GRAMD4: variants seen among roughly 807,000 people sequenced by gnomAD.
GRAMD4 encodes GRAM domain containing 4.
GRAMD4 carries 25 observed loss-of-function variants against 83.9 expected under a neutral mutation model. The ratio of observed to expected loss-of-function variants is 0.30; its 90% CI spans 0.22 to 0.42. The LOEUF (loss-of-function observed/expected upper bound fraction) is 0.42, where lower values mean the gene tolerates loss of function less well. Ranked by LOEUF, GRAMD4 falls within the 10% of genes least tolerant of loss-of-function variation. The pLI, the probability that GRAMD4 is intolerant of heterozygous loss-of-function variation, is 1.00. For synonymous variants in GRAMD4, 336 were observed against 320.9 expected, an observed-to-expected ratio of 1.05 and a Z score of -0.50; for missense variants, 593 against 788.7, an observed-to-expected ratio of 0.75 and a Z score of 2.97.
intron 1 of GRAMD4, among the ~76,000 whole-genome samples, chr22:46,614,718 C>T (rs144032967): frequency 2.1e-3 from 314 of 152,164 alleles, no homozygotes; most frequent in African/African-American, 7.3e-3. Context: ...TTTGCAGATA[C>T]GTGCCGCAGG....
Position 46,605,952 on chromosome 22 carries a change from A to C in GRAMD4, c.-49-20799A>C, listed in dbSNP as rs59360690. ...GTGCTGAGCATGTCTGCATGGGCTT[A>C]TGGCTGGTGCTGAGCATCTCTGCAT... On this transcript the variant is annotated intron_variant, in intron 1 of 1. Transcript: ENST00000431155. Among the ~76,000 whole-genome samples the C allele has an allele frequency of 7.2e-3, 585 of 81,040 alleles. 5 individuals carry two copies. Among genetic ancestry groups the C allele is most frequent in the African/African-American group, 0.022 (531 of 24,114 alleles). 53.2% of individuals were successfully genotyped at this position (81,040 alleles called of 152,430 possible).
intron 2 of GRAMD4, among the ~76,000 whole-genome samples, chr22:46,629,677 A>G (rs1414866503): frequency 1.3e-5 from 2 of 152,238 alleles, no homozygotes; most frequent in Non-Finnish European, 2.9e-5. Context: ...TACAGTATAC[A>G]GTTCACCCAC....
Position 46,637,892 on chromosome 22 carries a change from C to G in GRAMD4, c.215C>G (p.Thr72Arg), listed in dbSNP as rs2081914777. The G allele has an allele frequency of 6.2e-7, 1 of 1,613,928 alleles. No individual in the cohort carries two copies. Among genetic ancestry groups the G allele is most frequent in the Middle Eastern group, 1.6e-4 (1 of 6,062 alleles). ...MATGVQDFNRTEFDRLNEIKG... is the reference protein window; with the variant it reads ...MATGVQDFNRREFDRLNEIKG... ...ACAGGAGTCCAGGACTTTAACCGGA[C>G]AGAGTTTGATCGACTGAATGAGATC... Residue 72 changes from threonine to arginine, a missense_variant, in exon 3 of 19, where the codon ACA becomes AGA. Coordinates refer to ENST00000406902, the MANE Select transcript of GRAMD4 (RefSeq NM_015124.5).
Position 46,660,945 on chromosome 22 carries a change from C to T in GRAMD4, c.405-436C>T, listed in dbSNP as rs148537263. Among the ~76,000 whole-genome samples, 270 of 152,300 alleles carry T rather than the reference C, an allele frequency of 1.8e-3. 5 individuals are homozygous for T. In the East Asian group the frequency reaches 0.026, roughly 15 times the overall value. ...GTGCCCCTGCCCAGTCCAGGCAGGT[C>T]GCTGGAGTAGGCTGAGCTGGGAGCT... is the stretch of plus-strand genomic sequence containing the variant. On this transcript the variant is annotated intron_variant, in intron 4 of 18. Transcript: ENST00000406902.
At chr22:46,619,958 G>A (rs888854566), upstream of GRAMD4, among the ~76,000 whole-genome samples, 11 of 152,300 alleles carry the variant, frequency 7.2e-5, no homozygotes, top group Non-Finnish European at 1.6e-4. Context: ...CAGCAGGAGA[G>A]CCGCCAGATA....
chr22:46,661,315 G>T, intron 4 of GRAMD4, 66 bp from the exon 5 acceptor site: 3 of 1,286,080 alleles, frequency 2.3e-6, no homozygotes, highest in Non-Finnish European at 3.4e-6. Flanking sequence ...GCCCTCGGGG[G>T]TGCCTGACTG....
intron 11 of GRAMD4, among the ~76,000 whole-genome samples, chr22:46,668,449 C>T (rs1601674552): frequency 6.6e-6 from 1 of 152,130 alleles, no homozygotes; most frequent in African/African-American, 2.4e-5. Context: ...TCCCCACCGC[C>T]CCTGGCCAGG....
At chr22:46,654,268 G>C (rs537211350) in intron 3 of GRAMD4, among the ~76,000 whole-genome samples, 1 of 152,322 alleles carries the variant, frequency 6.6e-6, no homozygotes, top group South Asian at 2.1e-4. Context: ...GGGTCCCCAG[G>C]CTCCTCCTGC....
Position 46,603,800 on chromosome 22 carries a change from C to A in GRAMD4, c.-49-22951C>A, listed in dbSNP as rs373925554. Among the ~76,000 whole-genome samples the A allele has an allele frequency of 1.2e-3, 185 of 150,910 alleles. 5 individuals are homozygous for A. The South Asian group carries it at 0.038, about 31-fold the overall frequency. On this transcript the variant is annotated intron_variant, in intron 1 of 1. Coordinates refer to the GRAMD4 transcript ENST00000431155. ...CAAAGTGCTGGGATTACAGGCGTGACCACCGCGCCCAGCCTCGGCCTCTTC... is the reference window on the plus strand; with the variant it reads ...CAAAGTGCTGGGATTACAGGCGTGAACACCGCGCCCAGCCTCGGCCTCTTC...
At chr22:46,660,398 C>T (rs928556567) in intron 4 of GRAMD4, among the ~76,000 whole-genome samples, 3 of 152,008 alleles carry the variant, frequency 2.0e-5, no homozygotes, top group African/African-American at 2.4e-5. Flanking sequence ...CTTTCCTTGT[C>T]GTCCTGGTGC....
At chr22:46,581,314 T>G (rs1345651072) in intron 1 of GRAMD4, among the ~76,000 whole-genome samples, 1 of 152,260 alleles carries the variant, frequency 6.6e-6, no homozygotes, top group Non-Finnish European at 1.5e-5. Flanking sequence ...TTCACACGAA[T>G]TGTCTCAACC....
At position 46,658,915 on chromosome 22, in the gene GRAMD4, T is replaced by C. The variant is rs190304828; in HGVS notation, c.404+608T>C. 5.2e-3 allele frequency among the ~76,000 whole-genome samples: 788 copies of C among 151,544 alleles called. 4 individuals are homozygous for C. The highest frequency in any genetic ancestry group is 0.018 in the African/African-American group (735 of 41,376). ...TCTTTGCTCTTGTTTGTGGGTCCCA[T>C]GTGGGACCCTGAGTGCTCACAGTCT... On this transcript the variant is annotated intron_variant, in intron 4 of 18. Coordinates refer to ENST00000406902, the MANE Select transcript of GRAMD4 (RefSeq NM_015124.5).
intron 1 of GRAMD4, among the ~76,000 whole-genome samples, chr22:46,597,759 G>C (rs1191701233): frequency 6.6e-6 from 1 of 152,208 alleles, no homozygotes; most frequent in Admixed American, 6.5e-5. Flanking sequence ...AAAGTGCTGG[G>C]ATTACAGGCA....
chr22:46,640,271 T>C (rs1251935019), intron 3 of GRAMD4, among the ~76,000 whole-genome samples: 1 of 152,114 alleles, frequency 6.6e-6, no homozygotes, highest in Non-Finnish European at 1.5e-5. Flanking sequence ...CAGGTGCTCT[T>C]GGTGCAGGGC....
At chr22:46,583,237 A>T (rs2081115460) in intron 1 of GRAMD4, among the ~76,000 whole-genome samples, 1 of 152,194 alleles carries the variant, frequency 6.6e-6, no homozygotes, top group South Asian at 2.1e-4. Flanking sequence ...TCTATTTTTA[A>T]AAAACTGTTT....
intron 1 of GRAMD4, among the ~76,000 whole-genome samples, chr22:46,606,962 C>T (rs1235169922): frequency 2.0e-5 from 3 of 152,174 alleles, no homozygotes; most frequent in Non-Finnish European, 4.4e-5. Context: ...CCCTGGCCCC[C>T]TGTATGGCTA....
At chr22:46,682,353 A>C, downstream of GRAMD4, 1 of 787,148 alleles carries the variant, frequency 1.3e-6, no homozygotes, top group Non-Finnish European at 1.5e-6. Context: ...TGTAAAGAAG[A>C]CATTCAGCTG....
At chr22:46,655,451 A>G (rs116982374) in intron 3 of GRAMD4, among the ~76,000 whole-genome samples, 4,526 of 152,218 alleles carry the variant, frequency 0.03, 96 homozygotes, top group Non-Finnish European at 0.042. Context: ...GGTTAAGAAC[A>G]TGGGGATGGG....
chr22:46,578,444 CAA>C (rs1447146751), intron 1 of GRAMD4, among the ~76,000 whole-genome samples: 1 of 152,152 alleles, frequency 6.6e-6, no homozygotes, highest in Non-Finnish European at 1.5e-5. Flanking sequence ...TCCTCACTAG[CAA>C]GTGGGCAGGG....
Sources: gnomAD v4.1 joint callset for allele counts (sites outside exome capture counted in the v4.1 genomes callset) on GRCh38, gnomAD v4.1.1 for gene constraint, MANE v1.5 for transcripts, NCBI Gene and HGNC (gene_info 2026-07-23, HGNC 2026-07-21) for gene names.